RAI2: variants seen among roughly 807,000 people sequenced by gnomAD.
RAI2 encodes the protein retinoic acid-induced protein 2.
Under a neutral mutation model 15.3 loss-of-function variants are expected in RAI2, and 5 were observed. That is an observed-to-expected ratio of 0.33 (90% CI 0.17 to 0.69). The LOEUF is 0.69. Ranked by LOEUF, RAI2 falls within the 30% of genes least tolerant of loss-of-function variation. The pLI, the probability that RAI2 is intolerant of heterozygous loss-of-function variation, is 0.69. For synonymous variants in RAI2, 191 were observed against 184.0 expected (o/e 1.04, Z -0.31); for missense variants, 424 against 424.7 (o/e 1.00, Z 0.01).
chrX:17,834,009 T>C (rs1307010955), intron 1 of RAI2, among the ~76,000 whole-genome samples: 1 of 111,692 alleles, frequency 9.0e-6, no homozygotes, highest in Non-Finnish European at 1.9e-5. Context: ...TCAATCCCAA[T>C]GAAATTAGAG....
chrX:17,826,917 T>A (rs1050004113), intron 1 of RAI2, among the ~76,000 whole-genome samples: 1 of 112,460 alleles, frequency 8.9e-6, no homozygotes, highest in East Asian at 2.8e-4. Flanking sequence ...GTCAATGAAA[T>A]CTCTTTCCTT....
At chrX:17,858,863 C>A (rs926286699) in intron 1 of RAI2, among the ~76,000 whole-genome samples, 4 of 111,688 alleles carry the variant, frequency 3.6e-5, no homozygotes, top group Non-Finnish European at 7.5e-5. Flanking sequence ...CATAAAGGAA[C>A]CCCCTCGGGT....
chrX:17,809,767 T>G (rs756960163), intron 1 of RAI2, among the ~76,000 whole-genome samples: 66 of 110,645 alleles, frequency 6.0e-4, no homozygotes, highest in Middle Eastern at 4.7e-3. Context: ...CTACCCCTTC[T>G]GGGTTTTTTT....
At chrX:17,853,771 T>G (rs1441109389) in intron 1 of RAI2, among the ~76,000 whole-genome samples, 1 of 111,504 alleles carries the variant, frequency 9.0e-6, no homozygotes, top group Non-Finnish European at 1.9e-5. Flanking sequence ...ATAAATGAAA[T>G]AGGTTCTCCA....
chrX:17,847,658 A>T (rs1192102818), intron 1 of RAI2, among the ~76,000 whole-genome samples: 1 of 113,143 alleles, frequency 8.8e-6, no homozygotes, highest in African/African-American at 3.2e-5. Flanking sequence ...GCCCCCAGCC[A>T]CAGAAGTGGT....
intron 1 of RAI2, among the ~76,000 whole-genome samples, chrX:17,852,366 C>G (rs1182571286): frequency 8.9e-6 from 1 of 112,064 alleles, no homozygotes; most frequent in African/African-American, 3.2e-5. Flanking sequence ...ACATGACACT[C>G]TTTGGAAAAG....
chrX:17,847,159 G>C (rs1343268179), intron 1 of RAI2, among the ~76,000 whole-genome samples: 1 of 111,883 alleles, frequency 8.9e-6, no homozygotes, highest in Non-Finnish European at 1.9e-5. Context: ...CATGAGAACA[G>C]ACTAATACAA....
chrX:17,827,744 G>A (rs1425344218), intron 1 of RAI2, among the ~76,000 whole-genome samples: 1 of 111,966 alleles, frequency 8.9e-6, no homozygotes, highest in Non-Finnish European at 1.9e-5. Flanking sequence ...CATGGGAAAA[G>A]GGTGAATGGG....
At position 17,800,591 on chromosome X, in the gene RAI2, C is replaced by CGGA. The variant is rs2066892030; in HGVS notation, c.1417_1419dup (p.Ser473dup). 4.1e-6 allele frequency: 5 copies of CGGA among 1,209,458 alleles called. No homozygotes were observed. The African/African-American group carries it at 8.8e-5, about 21-fold the overall frequency. On this transcript the variant is annotated inframe_insertion, in exon 2 of 2. Transcript: ENST00000451717. ...CTGTTGATGTCATAGCCCTGAAGCA[C>CGGA]GGAGTCTTCTCTTTTGAAGGAGAAG...
intron 1 of RAI2, among the ~76,000 whole-genome samples, chrX:17,804,537 G>A (rs1174965243): frequency 1.8e-5 from 2 of 112,032 alleles, no homozygotes; most frequent in Admixed American, 1.9e-4. Flanking sequence ...AGAACCCTTG[G>A]GGAAGGGTAA....
Position 17,801,339 on chromosome X carries a change from CA to C in RAI2, c.671del (p.Leu224ArgfsTer13). 2 of 1,138,640 alleles carry C rather than the reference CA, an allele frequency of 1.8e-6. No homozygotes were observed. The highest frequency in any genetic ancestry group is 2.3e-6 in the Non-Finnish European group (2 of 861,962). The allele number at this position is 1,138,640 out of a possible 1,213,427, so 93.8% of individuals were successfully genotyped here. On this transcript the variant is annotated frameshift_variant, in exon 2 of 2. Transcript: ENST00000451717. LOFTEE classifies it high-confidence loss of function. ...GCACCAAGAGGGTGGCTGGTGGGAC[CA>C]GGGGGGACAAGGGGGAGCTAAAAGG... Reference protein sequence around the residue: ...PQPFSSPLSPLVPPATLLVPY... With the variant: ...PQPFSSPLSPXVPPATLLVPY...
At chrX:17,809,597 A>ATG (rs1410194855) in intron 1 of RAI2, among the ~76,000 whole-genome samples, 3 of 110,169 alleles carry the variant, frequency 2.7e-5, no homozygotes, top group Non-Finnish European at 5.7e-5. Flanking sequence ...ATGTGTGTGC[A>ATG]TGTGTGTGTG....
chrX:17,806,730 T>C (rs1230705392), intron 1 of RAI2, among the ~76,000 whole-genome samples: 1 of 111,324 alleles, frequency 9.0e-6, no homozygotes, highest in African/African-American at 3.3e-5. Context: ...TAATTTATTA[T>C]TAAGAAAAGA....
chrX:17,820,585 C>A (rs1182229240), intron 1 of RAI2, among the ~76,000 whole-genome samples: 1 of 112,085 alleles, frequency 8.9e-6, no homozygotes, highest in Non-Finnish European at 1.9e-5. Context: ...CTTCAAATAG[C>A]CAGCAGAAGC....
Position 17,800,493 on chromosome X carries a change from C to G in RAI2, c.1518G>C (p.Lys506Asn). The part of the protein sequence containing the change: ...KPIKNRSIKL[K>N]KVNSQEIHML... Reference sequence around the variant, plus strand: ...TGTGTATTTCCTGGGAGTTCACTTTCTTTAACTTTATGCTCCGGTTTTTGA... The same window carrying G: ...TGTGTATTTCCTGGGAGTTCACTTTGTTTAACTTTATGCTCCGGTTTTTGA... The change falls in exon 2 of 2, where the codon AAG becomes AAC. Residue 506 changes from lysine to asparagine, a missense_variant. Coordinates refer to ENST00000451717, the MANE Select transcript of RAI2 (RefSeq NM_021785.6). 2 of 1,211,257 alleles carry G rather than the reference C, an allele frequency of 1.7e-6. No homozygotes were observed.
intron 1 of RAI2, among the ~76,000 whole-genome samples, chrX:17,827,176 C>T (rs2067235743): frequency 8.9e-6 from 1 of 111,832 alleles, no homozygotes; most frequent in African/African-American, 3.3e-5. Flanking sequence ...CATAGAAGAG[C>T]ATGGCCAGGG....
At chrX:17,832,429 G>A (rs772434878) in intron 1 of RAI2, among the ~76,000 whole-genome samples, 2 of 112,359 alleles carry the variant, frequency 1.8e-5, no homozygotes, top group South Asian at 7.5e-4. Context: ...CCCATCAGCT[G>A]GAGGGAGGGG....
intron 1 of RAI2, among the ~76,000 whole-genome samples, chrX:17,836,527 C>T (rs763724968): frequency 3.6e-4 from 40 of 111,792 alleles, no homozygotes; most frequent in African/African-American, 1.2e-3. Context: ...TTCTAGCGAA[C>T]GAGTATGACT....
chrX:17,818,723 C>T (rs1382332761), intron 1 of RAI2, among the ~76,000 whole-genome samples: 4 of 112,676 alleles, frequency 3.6e-5, no homozygotes, highest in African/African-American at 1.3e-4. Context: ...CTGATGCTTG[C>T]CACCTAACTG....
Sources: gnomAD v4.1 joint callset for allele counts (sites outside exome capture counted in the v4.1 genomes callset) on GRCh38, gnomAD v4.1.1 for gene constraint, MANE v1.5 for transcripts, NCBI Gene and HGNC (gene_info 2026-07-23, HGNC 2026-07-21) for gene names.